The following ELAC1 variants were observed in gnomAD, a reference collection of about 807,000 sequenced individuals.
ELAC1 encodes elaC ribonuclease Z 1.
In ELAC1, 19 loss-of-function variants were observed where a neutral mutation model predicts 25.8. The observed-to-expected ratio is 0.74, with a 90% confidence interval of 0.51 to 1.08. ELAC1 has a LOEUF of 1.08. ELAC1 is among the 50% of genes least tolerant of loss of function. ELAC1 has a pLI of 0.00. For missense variants in ELAC1, 403 were observed against 434.6 expected, an observed-to-expected ratio of 0.93 and a Z score of 0.65; for synonymous variants, 148 against 160.9, an observed-to-expected ratio of 0.92 and a Z score of 0.61.
chr18:50,972,213 T>A (rs754166745), intron 1 of ELAC1, among the ~76,000 whole-genome samples: 2 of 152,098 alleles, frequency 1.3e-5, no homozygotes, highest in South Asian at 4.1e-4. Context: ...ATTCTCCTAA[T>A]TTTTTTGAAC....
At position 50,974,565 on chromosome 18, in the gene ELAC1, A is replaced by G; in HGVS notation, c.157+4A>G. On this transcript the variant is annotated splice_donor_region_variant and intron_variant, in intron 2 of 3. Coordinates refer to ENST00000269466, the MANE Select transcript of ELAC1 (RefSeq NM_018696.3). ...ATGAAAAGCCAACTTAAAGCAGGTT[A>G]GTGTGCCTTCAGCTATCTCATTAAG... 1 of 1,613,704 alleles carries G rather than the reference A, an allele frequency of 6.2e-7. No homozygotes were observed. The highest frequency in any genetic ancestry group is 8.5e-7 in the Non-Finnish European group (1 of 1,179,788).
intron 3 of ELAC1, among the ~76,000 whole-genome samples, chr18:50,985,316 A>G (rs1280769220): frequency 6.6e-6 from 1 of 152,224 alleles, no homozygotes; most frequent in East Asian, 1.9e-4. Flanking sequence ...TTACTTCTGT[A>G]TCTACTTTGC....
intron 2 of ELAC1, among the ~76,000 whole-genome samples, chr18:50,982,673 C>T (rs1171726177): frequency 6.6e-6 from 1 of 152,190 alleles, no homozygotes; most frequent in African/African-American, 2.4e-5. Context: ...TAACCTAAGC[C>T]AATATGCACT....
chr18:50,982,732 T>G (rs1390461499), intron 2 of ELAC1, among the ~76,000 whole-genome samples: 1 of 152,246 alleles, frequency 6.6e-6, no homozygotes, highest in East Asian at 1.9e-4. Context: ...TGGACCCAAG[T>G]ACCCTTACAT....
chr18:50,975,653 G>A (rs1411162197), intron 2 of ELAC1, among the ~76,000 whole-genome samples: 1 of 151,928 alleles, frequency 6.6e-6, no homozygotes, highest in Non-Finnish European at 1.5e-5. Context: ...TTGATAAATA[G>A]TATTGAAGTC....
intron 2 of ELAC1, among the ~76,000 whole-genome samples, chr18:50,980,462 G>A (rs772839796): frequency 2.0e-4 from 30 of 151,324 alleles, no homozygotes; most frequent in Non-Finnish European, 3.7e-4. Context: ...ATTTCTATAC[G>A]CTTAGAAAAA....
At position 50,986,878 on chromosome 18, in the gene ELAC1, G is replaced by A. The variant is rs770667081; in HGVS notation, c.885G>A (p.Gln295=). The A allele has an allele frequency of 6.2e-7, 1 of 1,614,042 alleles. No homozygotes were observed. The highest frequency in any genetic ancestry group is 1.7e-5 in the Admixed American group (1 of 60,002). The change falls in exon 4 of 4, where the codon CAG becomes CAA. Residue 295 remains glutamine, a synonymous_variant. Coordinates refer to ENST00000269466, the MANE Select transcript of ELAC1 (RefSeq NM_018696.3). ...KAKEHGHSTP[Q]MAATFAKLCR... ...AGGAGCATGGCCACAGCACACCACA[G>A]ATGGCAGCAACATTTGCAAAGTTGT... is the stretch of plus-strand genomic sequence containing the variant.
chr18:50,978,131 T>G (rs1014182654), intron 2 of ELAC1, among the ~76,000 whole-genome samples: 2 of 152,136 alleles, frequency 1.3e-5, no homozygotes, highest in African/African-American at 2.4e-5. Flanking sequence ...CCTCCAAGTC[T>G]CTAGGAAATT....
At chr18:50,982,647 T>A (rs1193083071) in intron 2 of ELAC1, among the ~76,000 whole-genome samples, 2 of 152,228 alleles carry the variant, frequency 1.3e-5, no homozygotes, top group Non-Finnish European at 2.9e-5. Context: ...AGTTTACCAT[T>A]GGCTAAACCA....
intron 2 of ELAC1, among the ~76,000 whole-genome samples, 161 bp from the exon 3 acceptor site, chr18:50,983,935 A>G (rs1908028764): frequency 6.6e-6 from 1 of 152,146 alleles, no homozygotes; most frequent in Non-Finnish European, 1.5e-5. Flanking sequence ...TTTTGGAATC[A>G]TGTAGCAAAA....
chr18:50,979,469 GTAGCTTGCTTCTTCA>G (rs1463178136), intron 2 of ELAC1, among the ~76,000 whole-genome samples: 1 of 152,166 alleles, frequency 6.6e-6, no homozygotes, highest in Non-Finnish European at 1.5e-5. Context: ...CTGCTTCATG[GTAGCTTGCTTCTTCA>G]TAGCCAGCAT....
chr18:50,984,439 G>A lies in ELAC1; in HGVS notation c.501G>A (p.Leu167=). The change falls in exon 3 of 4, where the codon CTG becomes CTA. Residue 167 remains leucine, a synonymous_variant. Transcript: ENST00000269466. The stretch of plus-strand genomic sequence containing the variant: ...ACTCAGAAGAAAACTCATACCTTCT[G>A]TTTGATGATGAACAATTTGTTGTAA... ...LLDSEENSYL[L]FDDEQFVVKA... The A allele has an allele frequency of 6.2e-7, 1 of 1,610,962 alleles. No individual in the cohort carries two copies. Among genetic ancestry groups the A allele is most frequent in the South Asian group, 1.1e-5 (1 of 90,960 alleles).
chr18:50,974,336 A>C, intron 1 of ELAC1, 61 bp from the exon 2 acceptor site: 1 of 1,419,664 alleles, frequency 7.0e-7, no homozygotes, highest in Non-Finnish European at 9.4e-7. Context: ...GATAAATATT[A>C]CAGGAATATG....
chr18:50,971,919 T>TATATATATATATAA (rs1907667732), intron 1 of ELAC1, among the ~76,000 whole-genome samples: 1 of 78,446 alleles, frequency 1.3e-5, no homozygotes, highest in African/African-American at 3.1e-5. Context: ...TGTGTATATA[T>TATATATATATATAA]ATATATATAT....
rs1296792387 is a variant in ELAC1 at position 50,987,677 on chromosome 18, C to G, written c.*592C>G. ...TCTCAGCTGGGGTGACACTGCTCCT[C>G]TAGAAGCAGGTTTGAAATTATGGGT... is the stretch of plus-strand genomic sequence containing the variant. On this transcript the variant is annotated 3_prime_UTR_variant, in exon 4 of 4. Coordinates refer to ENST00000269466, the MANE Select transcript of ELAC1 (RefSeq NM_018696.3). 1 of 152,212 alleles carries G rather than the reference C, an allele frequency of 6.6e-6. No homozygotes were observed. The highest frequency in any genetic ancestry group is 2.4e-5 in the African/African-American group (1 of 41,444). The allele number at this position is 152,212 out of a possible 1,614,324, so 9.4% of individuals were successfully genotyped here. A position where few individuals can be genotyped will look rare whatever the true frequency, so the allele number is the denominator to read the frequency against.
rs759447873 is a variant in ELAC1 at position 50,986,815 on chromosome 18, C to T, written c.822C>T (p.His274=). The change falls in exon 4 of 4, where the codon CAC becomes CAT. Residue 274 remains histidine (H), a synonymous_variant. Transcript: ENST00000269466. The part of the protein sequence containing the change: ...KLCFEADLLI[H]EATLDDAQMD... ...GCTTTGAAGCAGACCTGTTGATCCA[C>T]GAAGCAACCCTGGATGATGCCCAGA... 1.6e-5 allele frequency: 26 copies of T among 1,614,018 alleles called. No individual in the cohort carries two copies. The highest frequency in any genetic ancestry group is 1.1e-4 in the African/African-American group (8 of 74,926).
chr18:50,970,304 G>T (rs1907617824), intron 1 of ELAC1, among the ~76,000 whole-genome samples: 1 of 152,146 alleles, frequency 6.6e-6, no homozygotes, highest in African/African-American at 2.4e-5. Flanking sequence ...TATGCCCCCG[G>T]GGTTATGTAC....
Position 50,974,572 on chromosome 18 carries a change from C to T in ELAC1, c.157+11C>T. On this transcript the variant is annotated intron_variant, in intron 2 of 3. Transcript: ENST00000269466. Reference sequence around the variant, plus strand: ...GCCAACTTAAAGCAGGTTAGTGTGCCTTCAGCTATCTCATTAAGATTTTTT... The same window carrying T: ...GCCAACTTAAAGCAGGTTAGTGTGCTTTCAGCTATCTCATTAAGATTTTTT... 6.2e-7 allele frequency: 1 copy of T among 1,612,980 alleles called. No individual in the cohort carries two copies. The highest frequency in any genetic ancestry group is 1.3e-5 in the African/African-American group (1 of 74,984).
chr18:50,986,954 G>A lies in ELAC1; in HGVS notation c.961G>A (p.Val321Ile). The A allele has an allele frequency of 6.2e-7, 1 of 1,614,002 alleles. No individual in the cohort carries two copies. The highest frequency in any genetic ancestry group is 8.5e-7 in the Non-Finnish European group (1 of 1,179,930). ...LTHFSQRYKP[V>I]ALAREGETDG... ...TCACTTCAGTCAGAGGTACAAACCA[G>A]TTGCCTTGGCCAGAGAAGGAGAAAC... Residue 321 changes from valine to isoleucine, a missense_variant, in exon 4 of 4, where the codon GTT (valine) becomes ATT (isoleucine). Transcript: ENST00000269466.
Sources: gnomAD v4.1 joint callset for allele counts (sites outside exome capture counted in the v4.1 genomes callset) on GRCh38, gnomAD v4.1.1 for gene constraint, MANE v1.5 for transcripts, NCBI Gene and HGNC (gene_info 2026-07-23, HGNC 2026-07-21) for gene names.